Variants in ELMO1 observed in about 807,000 individuals in gnomAD.
The protein encoded by ELMO1 is engulfment and cell motility 1.
Under a neutral mutation model 98.9 loss-of-function variants are expected in ELMO1, and 26 were observed. The observed-to-expected ratio is 0.26, with a 90% CI of 0.19 to 0.36. The LOEUF (loss-of-function observed/expected upper bound fraction) is 0.36. Ranked by LOEUF, ELMO1 falls within the 10% of genes least tolerant of loss-of-function variation. The pLI is 1.00. For missense variants in ELMO1, 627 were observed against 935.2 expected, an observed-to-expected ratio of 0.67 and a Z score of 4.30; for synonymous variants, 346 against 346.0, an observed-to-expected ratio of 1.00 and a Z score of 0.00.
At chr7:37,163,603 T>G (rs1427599666) in intron 13 of ELMO1, among the ~76,000 whole-genome samples, 2 of 152,158 alleles carry the variant, frequency 1.3e-5, no homozygotes, top group African/African-American at 2.4e-5. Flanking sequence ...TTTGGTTTTT[T>G]GTTCTTGCGA....
chr7:37,447,900 CT>C (rs760430411), intron 1 of ELMO1, among the ~76,000 whole-genome samples: 4 of 151,756 alleles, frequency 2.6e-5, no homozygotes, highest in Non-Finnish European at 4.4e-5. Context: ...CCCGGGCCCC[CT>C]GGCATGCCGC....
At chr7:36,864,224 T>TA (rs1802852100) in intron 20 of ELMO1, among the ~76,000 whole-genome samples, 1 of 152,170 alleles carries the variant, frequency 6.6e-6, no homozygotes, top group Non-Finnish European at 1.5e-5. Context: ...GAGACCACAG[T>TA]GTCAGCGTGG....
chr7:37,226,837 A>C (rs1040252360), intron 8 of ELMO1, among the ~76,000 whole-genome samples: 8 of 152,214 alleles, frequency 5.3e-5, no homozygotes, highest in Non-Finnish European at 8.8e-5. Context: ...AGTAACATGC[A>C]TTGCGTGTGT....
intron 15 of ELMO1, among the ~76,000 whole-genome samples, chr7:37,035,735 T>A (rs1243807987): frequency 6.6e-6 from 1 of 152,218 alleles, no homozygotes; most frequent in Non-Finnish European, 1.5e-5. Context: ...CTAAACTTGA[T>A]GAGAAATAAA....
chr7:37,430,819 G>A (rs1804903159), intron 1 of ELMO1, among the ~76,000 whole-genome samples: 4 of 152,156 alleles, frequency 2.6e-5, no homozygotes, highest in South Asian at 4.1e-4. Flanking sequence ...AAGAGGAAAC[G>A]GAAGCTATGA....
intron 1 of ELMO1, among the ~76,000 whole-genome samples, chr7:37,395,958 G>A (rs552078217): frequency 1.1e-4 from 16 of 151,620 alleles, no homozygotes; most frequent in Admixed American, 2.0e-4. Context: ...CAGCTTTTTC[G>A]CCTTTACTTA....
At chr7:36,980,700 A>G (rs1790975067) in intron 16 of ELMO1, among the ~76,000 whole-genome samples, 1 of 152,204 alleles carries the variant, frequency 6.6e-6, no homozygotes. Context: ...ACTTATTGTA[A>G]TGATAATTTT....
chr7:37,167,712 T>C (rs1019910428), intron 13 of ELMO1, among the ~76,000 whole-genome samples: 17 of 152,364 alleles, frequency 1.1e-4, no homozygotes, highest in African/African-American at 3.6e-4. Context: ...AGATCAGCTG[T>C]TAGTCTGATG....
In ELMO1 at chr7:37,350,327, C is replaced by G. The variant is rs111609850; in HGVS notation, c.-73-7564G>C. ...GCAACAATTCAGCCCATTTACTTGA[C>G]AGGTGGGGAAATGTGCTATTAGCTA... is the stretch of plus-strand genomic sequence containing the variant. On this transcript the variant is annotated intron_variant, in intron 1 of 21. Transcript: ENST00000310758. Among the ~76,000 whole-genome samples the G allele has an allele frequency of 3.1e-3, 465 of 152,338 alleles. 1 individual carries two copies. The highest frequency in any genetic ancestry group is 0.011 in the African/African-American group (437 of 41,574).
rs139188522 is a variant in ELMO1 at position 37,126,841 on chromosome 7, T to C, written c.1191+6289A>G. 1.0e-3 allele frequency among the ~76,000 whole-genome samples: 153 copies of C among 152,336 alleles called. 1 individual carries two copies. Among genetic ancestry groups the C allele is most frequent in the African/African-American group, 3.5e-3 (145 of 41,576 alleles). ...CAATGAATGAATGAATGAATATGAA[T>C]GTTAAAAGGATTTTTCTTCTTTTAG... On this transcript the variant is annotated intron_variant, in intron 14 of 21. Transcript: ENST00000310758.
At chr7:37,265,838 T>C (rs1002949911) in intron 5 of ELMO1, among the ~76,000 whole-genome samples, 2 of 151,974 alleles carry the variant, frequency 1.3e-5, no homozygotes, top group Non-Finnish European at 2.9e-5. Flanking sequence ...TCCATGGGGG[T>C]GGCTGGCACA....
At chr7:37,058,318 C>T (rs1288684505) in intron 15 of ELMO1, among the ~76,000 whole-genome samples, 1 of 152,110 alleles carries the variant, frequency 6.6e-6, no homozygotes, top group East Asian at 1.9e-4. Flanking sequence ...TTAAAAAATC[C>T]CACCCTCGTA....
chr7:36,919,001 G>T (rs567706506), intron 16 of ELMO1, among the ~76,000 whole-genome samples: 26 of 152,234 alleles, frequency 1.7e-4, no homozygotes, highest in East Asian at 7.7e-4. Context: ...CATTCAGTCA[G>T]TCAGTCAGTC....
intron 16 of ELMO1, among the ~76,000 whole-genome samples, chr7:36,970,082 TCATTATC>T (rs1789784398): frequency 6.6e-6 from 1 of 152,064 alleles, no homozygotes; most frequent in Admixed American, 6.6e-5. Flanking sequence ...TCATTCTCCA[TCATTATC>T]CACTCTTGAT....
intron 9 of ELMO1, among the ~76,000 whole-genome samples, chr7:37,223,871 C>T (rs1337152794): frequency 6.6e-6 from 1 of 152,166 alleles, no homozygotes; most frequent in Non-Finnish European, 1.5e-5. Context: ...ATATTATCAA[C>T]ACAACAGTTA....
At chr7:37,201,866 G>A (rs1004540705) in intron 13 of ELMO1, among the ~76,000 whole-genome samples, 4 of 152,238 alleles carry the variant, frequency 2.6e-5, no homozygotes, top group Admixed American at 6.5e-5. Context: ...CAGCATTTCA[G>A]ATAGGAAAAG....
intron 14 of ELMO1, among the ~76,000 whole-genome samples, chr7:37,101,818 A>G (rs976560489): frequency 6.6e-6 from 1 of 152,002 alleles, no homozygotes; most frequent in Non-Finnish European, 1.5e-5. Flanking sequence ...CCTAGGAGAG[A>G]GTCACTCAGG....
intron 14 of ELMO1, among the ~76,000 whole-genome samples, chr7:37,122,742 T>C (rs927129696): frequency 3.9e-5 from 6 of 151,940 alleles, no homozygotes; most frequent in Non-Finnish European, 7.4e-5. Context: ...AGAAAGTTAA[T>C]AAGGATATCC....
intron 15 of ELMO1, among the ~76,000 whole-genome samples, chr7:37,084,210 AG>A (rs1340150349): frequency 2.0e-5 from 3 of 152,234 alleles, no homozygotes; most frequent in Non-Finnish European, 4.4e-5. Flanking sequence ...GGAGCCCTTT[AG>A]TATAACTCAT....
Sources: gnomAD v4.1 joint callset for allele counts (sites outside exome capture counted in the v4.1 genomes callset) on GRCh38, gnomAD v4.1.1 for gene constraint, MANE v1.5 for transcripts, NCBI Gene and HGNC (gene_info 2026-07-23, HGNC 2026-07-21) for gene names.